Variants in AGMO observed in about 807,000 individuals in gnomAD.
AGMO encodes alkylglycerol monooxygenase.
AGMO carries 75 observed loss-of-function variants against 60.2 expected under a neutral mutation model. The ratio of observed to expected loss-of-function variants is 1.25; its 90% CI spans 1.03 to 1.51. The LOEUF is 1.51. Ranked by LOEUF, AGMO falls within the 40% of genes most tolerant of loss-of-function variation. AGMO has a pLI of 0.00. For synonymous variants in AGMO, 261 were observed against 177.1 expected (o/e 1.47, Z -3.76); for missense variants, 763 against 525.5 (o/e 1.45, Z -4.42).
intron 12 of AGMO, among the ~76,000 whole-genome samples, chr7:15,297,728 G>A (rs757923495): frequency 6.6e-6 from 1 of 152,054 alleles, no homozygotes; most frequent in Non-Finnish European, 1.5e-5. Context: ...AATTATGAAT[G>A]TATTTGCTCT....
At chr7:15,358,403 A>G (rs1782624951) in intron 12 of AGMO, 3 of 471,336 alleles carry the variant, frequency 6.4e-6, no homozygotes, top group Non-Finnish European at 8.8e-6. Context: ...ATAAGAAGGC[A>G]TAATAATTAG....
intron 10 of AGMO, among the ~76,000 whole-genome samples, chr7:15,368,687 C>A (rs1449298757): frequency 2.0e-5 from 3 of 152,160 alleles, no homozygotes; most frequent in African/African-American, 7.2e-5. Context: ...GGAGCTTAGG[C>A]TAATCTTAAT....
the AGMO span, among the ~76,000 whole-genome samples, chr7:15,170,509 T>C: frequency 2.0e-5 from 3 of 152,318 alleles, no homozygotes; most frequent in East Asian, 5.8e-4. Context: ...TATGCATGCA[T>C]ACATCTATAT....
intron 3 of AGMO, among the ~76,000 whole-genome samples, chr7:15,519,275 G>T (rs1167223917): frequency 6.6e-6 from 1 of 151,712 alleles, no homozygotes; most frequent in Admixed American, 6.6e-5. Flanking sequence ...CACCAAGACA[G>T]GCCAACATTC....
At chr7:15,412,089 T>C (rs1441586099) in intron 5 of AGMO, among the ~76,000 whole-genome samples, 1 of 152,174 alleles carries the variant, frequency 6.6e-6, no homozygotes, top group Non-Finnish European at 1.5e-5. Flanking sequence ...TCTTTATCTG[T>C]TAGCTTCTGA....
In AGMO at chr7:15,297,231, C is replaced by A. The variant is rs1784430382; in HGVS notation, c.1263+68283G>T. ...ATAAGTACGAAATCCCCCGAATCTACCATCAAAGACCAACCCTACTGACAC... is the reference window on the plus strand; with the variant it reads ...ATAAGTACGAAATCCCCCGAATCTAACATCAAAGACCAACCCTACTGACAC... On this transcript the variant is annotated intron_variant, in intron 12 of 12. Transcript: ENST00000342526. 2.0e-5 allele frequency among the ~76,000 whole-genome samples: 3 copies of A among 152,100 alleles called. No homozygotes were observed. In the South Asian group the frequency reaches 6.2e-4, roughly 32 times the overall value.
In AGMO at chr7:15,465,589, T is replaced by TTATATA. The variant is rs142051256; in HGVS notation, c.410-34487_410-34482dup. 8.9e-4 allele frequency among the ~76,000 whole-genome samples: 130 copies of TTATATA among 145,366 alleles called. No individual in the cohort carries two copies. In the Middle Eastern group the frequency reaches 0.011, roughly 12 times the overall value. ...GGCACGTGCTACCACGTCCGGCTAA[T>TTATATA]TATATATATATATTTATATATATAT... On this transcript the variant is annotated intron_variant, in intron 3 of 12. Coordinates refer to ENST00000342526, the MANE Select transcript of AGMO (RefSeq NM_001004320.2).
rs531034185 is a variant in AGMO at position 15,284,917 on chromosome 7, G to T, written c.1263+80597C>A. 2.2e-3 allele frequency among the ~76,000 whole-genome samples: 329 copies of T among 151,954 alleles called. 1 individual carries two copies. The highest frequency in any genetic ancestry group is 3.9e-3 in the Non-Finnish European group (265 of 67,920). On this transcript the variant is annotated intron_variant, in intron 12 of 12. Transcript: ENST00000342526. The stretch of plus-strand genomic sequence containing the variant: ...GTTTCATTACAGGGATGCAGGGATG[G>T]TTTAACACATGCAAGTCAAAAAATG...
chr7:15,131,015 T>A, the AGMO span, among the ~76,000 whole-genome samples: 13 of 152,194 alleles, frequency 8.5e-5, no homozygotes, highest in East Asian at 1.7e-3. Flanking sequence ...TAATTGCCAA[T>A]AGCTATATCA....
At chr7:15,189,525 G>C in the AGMO span, among the ~76,000 whole-genome samples, 27 of 152,084 alleles carry the variant, frequency 1.8e-4, no homozygotes, top group African/African-American at 6.0e-4. Context: ...TTTGGAGCCA[G>C]CACATTAATA....
chr7:15,138,179 C>T, the AGMO span, among the ~76,000 whole-genome samples: 1 of 152,156 alleles, frequency 6.6e-6, no homozygotes. Flanking sequence ...ATTATTGGTA[C>T]CTTTAGCTTG....
intron 3 of AGMO, among the ~76,000 whole-genome samples, chr7:15,481,482 G>T (rs1420929662): frequency 6.6e-6 from 1 of 151,936 alleles, no homozygotes; most frequent in Non-Finnish European, 1.5e-5. Flanking sequence ...ATGATAAAAA[G>T]ATCAGTCCAC....
At chr7:15,150,223 T>C in the AGMO span, among the ~76,000 whole-genome samples, 3 of 152,114 alleles carry the variant, frequency 2.0e-5, no homozygotes, top group African/African-American at 7.2e-5. Flanking sequence ...TGAGGTTTCC[T>C]AGGTACAGAG....
At chr7:15,421,224 A>G (rs1399247826) in intron 4 of AGMO, among the ~76,000 whole-genome samples, 3 of 152,228 alleles carry the variant, frequency 2.0e-5, no homozygotes, top group African/African-American at 4.8e-5. Context: ...CCTTGATGCC[A>G]TTATAACAAC....
downstream of AGMO, among the ~76,000 whole-genome samples, chr7:15,199,037 A>C (rs1335202258): frequency 6.6e-6 from 1 of 152,152 alleles, no homozygotes. Context: ...TTTTTGTTTC[A>C]AAGGCAAACT....
At chr7:15,241,127 G>A (rs942707992) in intron 12 of AGMO, among the ~76,000 whole-genome samples, 1 of 151,866 alleles carries the variant, frequency 6.6e-6, no homozygotes, top group Non-Finnish European at 1.5e-5. Context: ...GATAGAATGC[G>A]CTCACTCTGG....
chr7:15,337,768 C>T (rs1250269872), intron 12 of AGMO, among the ~76,000 whole-genome samples: 1 of 152,216 alleles, frequency 6.6e-6, no homozygotes, highest in Non-Finnish European at 1.5e-5. Context: ...GCAGCGACTG[C>T]TGAGTCTCAC....
intron 12 of AGMO, among the ~76,000 whole-genome samples, chr7:15,299,086 CA>C (rs1291269998): frequency 2.6e-5 from 4 of 152,104 alleles, no homozygotes. Flanking sequence ...ATCAACACCC[CA>C]GTAGTTGGAT....
the AGMO span, among the ~76,000 whole-genome samples, chr7:15,126,568 C>T: frequency 6.6e-6 from 1 of 152,034 alleles, no homozygotes; most frequent in Non-Finnish European, 1.5e-5. Context: ...GCCCCAATTC[C>T]TGTCTAAGGG....
Sources: allele counts gnomAD v4.1 joint callset (sites outside exome capture counted in the v4.1 genomes callset), GRCh38; gene constraint gnomAD v4.1.1; transcripts MANE v1.5; gene names NCBI Gene and HGNC (gene_info 2026-07-23, HGNC 2026-07-21).